The following HNRNPUL1 variants were observed in gnomAD, a reference collection of about 807,000 sequenced individuals.
The protein encoded by HNRNPUL1 is heterogeneous nuclear ribonucleoprotein U-like protein 1.
In HNRNPUL1, 14 loss-of-function variants were observed where a neutral mutation model predicts 108.5. The ratio of observed to expected loss-of-function variants is 0.13; its 90% CI spans 0.09 to 0.20. The LOEUF (loss-of-function observed/expected upper bound fraction) is 0.20, where lower values mean the gene tolerates loss of function less well. Among genes scored for constraint, HNRNPUL1 ranks in the 10% least tolerant of loss-of-function variants. The pLI is 1.00. For synonymous variants in HNRNPUL1, 422 were observed against 445.2 expected (o/e 0.95, Z 0.66); for missense variants, 804 against 1,168.3 (o/e 0.69, Z 4.55).
chr19:41,306,178 C>T (rs1402659360), intron 14 of HNRNPUL1, among the ~76,000 whole-genome samples: 3 of 152,176 alleles, frequency 2.0e-5, no homozygotes, highest in African/African-American at 7.2e-5. Context: ...GGTGCCCAGG[C>T]CCCCATACCT....
In HNRNPUL1 at chr19:41,294,294, C is replaced by T; in HGVS notation, c.1267-44C>T. 6.2e-7 allele frequency: 1 copy of T among 1,607,144 alleles called. No homozygotes were observed. The highest frequency in any genetic ancestry group is 8.5e-7 in the Non-Finnish European group (1 of 1,175,592). ...ACAGTCACCACCGAGCCAAGTGGTG[C>T]CATACCACCATGCCGCAACACCTTC... On this transcript the variant is annotated intron_variant, in intron 8 of 14. Coordinates refer to ENST00000392006, the MANE Select transcript of HNRNPUL1 (RefSeq NM_007040.6). This position sits in a 1 kb window ranked among gnomAD's most constrained non-coding sequence, Gnocchi z 4.3.
chr19:41,305,914 C>A, intron 14 of HNRNPUL1, 47 bp downstream of exon 14: 1 of 1,291,218 alleles, frequency 7.7e-7, no homozygotes, highest in South Asian at 1.3e-5. Flanking sequence ...CTTCCATGGG[C>A]CCCTCCTGGG....
chr19:41,268,651 G>C (rs547477560), intron 2 of HNRNPUL1, among the ~76,000 whole-genome samples: 1 of 152,180 alleles, frequency 6.6e-6, no homozygotes, highest in South Asian at 2.1e-4. Context: ...CTGAGGTCTG[G>C]AGTTCGAGAC....
intron 2 of HNRNPUL1, among the ~76,000 whole-genome samples, chr19:41,268,839 G>A (rs1409480703): frequency 6.6e-6 from 1 of 151,888 alleles, no homozygotes; most frequent in South Asian, 2.1e-4. Flanking sequence ...CTCAGTCTGG[G>A]CAACAAGAGT....
In HNRNPUL1 at chr19:41,307,354, G is replaced by C. The variant is rs932112435; in HGVS notation, c.*789G>C. On this transcript the variant is annotated 3_prime_UTR_variant, in exon 15 of 15. Transcript: ENST00000392006. ...ACTGCTTTTTGTATTTGGAGAGAGT[G>C]ACTATTGAACTTGAAACCTTTTATT... 6.6e-6 allele frequency: 1 copy of C among 152,566 alleles called. No homozygotes were observed. 9.5% of individuals were successfully genotyped at this position (152,566 alleles called of 1,614,324 possible). A position where few individuals can be genotyped will look rare whatever the true frequency, so the allele number is the denominator to read the frequency against.
upstream of HNRNPUL1, among the ~76,000 whole-genome samples, chr19:41,263,835 G>A (rs1007960735): frequency 6.6e-6 from 1 of 152,150 alleles, no homozygotes; most frequent in Non-Finnish European, 1.5e-5. Context: ...CCGCCCTAAC[G>A]GCAAGGGGCG....
At chr19:41,300,472 T>C (rs1032751438) in intron 10 of HNRNPUL1, among the ~76,000 whole-genome samples, 1 of 152,172 alleles carries the variant, frequency 6.6e-6, no homozygotes, top group African/African-American at 2.4e-5. Context: ...TTCCTGAGTT[T>C]CCATAGGGAG....
chr19:41,273,140 C>T (rs1446111386), intron 3 of HNRNPUL1, among the ~76,000 whole-genome samples: 2 of 152,214 alleles, frequency 1.3e-5, no homozygotes, highest in African/African-American at 2.4e-5. Context: ...TGATGGAGAG[C>T]AAAGGAAGAA....
intron 10 of HNRNPUL1, among the ~76,000 whole-genome samples, chr19:41,296,127 T>C (rs991462419): frequency 3.3e-5 from 5 of 152,226 alleles, no homozygotes; most frequent in African/African-American, 1.2e-4. Flanking sequence ...CCAGTATTCC[T>C]CCCTGTCTTT....
At chr19:41,266,152 G>A (rs1484816133) in intron 1 of HNRNPUL1, among the ~76,000 whole-genome samples, 2 of 151,988 alleles carry the variant, frequency 1.3e-5, no homozygotes, top group Admixed American at 1.3e-4. Flanking sequence ...AGCAGCTTTC[G>A]GGCCGAGTGC....
chr19:41,305,652 G>T, intron 13 of HNRNPUL1, 24 bp from the exon 14 acceptor site: 1 of 1,613,894 alleles, frequency 6.2e-7, no homozygotes. Context: ...ACAGAGCTTT[G>T]GCTTTTTTCC....
At chr19:41,263,295 C>CT (rs1397411034), upstream of HNRNPUL1, among the ~76,000 whole-genome samples, 1 of 152,072 alleles carries the variant, frequency 6.6e-6, no homozygotes, top group East Asian at 1.9e-4. Flanking sequence ...AGCTCTGTGG[C>CT]TTTTGTATTC....
chr19:41,270,540 T>G (rs1173322520), intron 2 of HNRNPUL1, among the ~76,000 whole-genome samples: 1 of 151,826 alleles, frequency 6.6e-6, no homozygotes, highest in African/African-American at 2.4e-5. Flanking sequence ...CCAATCATGT[T>G]AAGTATATGT....
chr19:41,306,664 G>A lies in HNRNPUL1; in HGVS notation c.*99G>A. The A allele has an allele frequency of 1.4e-6, 1 of 708,584 alleles. No homozygotes were observed. The allele number at this position is 708,584 out of a possible 1,614,324, so 43.9% of individuals were successfully genotyped here. A position where few individuals can be genotyped will look rare whatever the true frequency, so the allele number is the denominator to read the frequency against. ...CCCCCGCCAGATCCCGTGGTGCTGG[G>A]GATGGGGTCATCCCAGGGCTGCCTC... On this transcript the variant is annotated 3_prime_UTR_variant, in exon 15 of 15. Transcript: ENST00000392006.
At chr19:41,306,006 C>G (rs1402440935) in intron 14 of HNRNPUL1, 139 bp downstream of exon 14, 1 of 640,836 alleles carries the variant, frequency 1.6e-6, no homozygotes, top group Non-Finnish European at 2.7e-6. Flanking sequence ...CTGGTGCAGC[C>G]ATTCCATTTG....
At position 41,294,684 on chromosome 19, in the gene HNRNPUL1, C is replaced by A; in HGVS notation, c.1516C>A (p.Gln506Lys). ...ARKKRNYILD[Q>K]TNVYGSAQRR... is the part of the protein sequence containing the mutation. ...CAAGAAACGCAACTATATCCTAGAT[C>A]AGGTACTTAATGATGACCATTGTGT... Residue 506 changes from glutamine to lysine, a missense_variant and splice_region_variant, in exon 10 of 15, where the codon CAG becomes AAG. Gln to Lys is a moderately conservative substitution (Grantham distance 53). Coordinates refer to ENST00000392006, the MANE Select transcript of HNRNPUL1 (RefSeq NM_007040.6). The surrounding 1 kb of genome is among the most constrained non-coding windows in gnomAD (Gnocchi z 4.3). 6.2e-7 allele frequency: 1 copy of A among 1,614,124 alleles called. No individual in the cohort carries two copies. The highest frequency in any genetic ancestry group is 1.1e-5 in the South Asian group (1 of 91,018).
chr19:41,267,555 T>C (rs2034926741), intron 1 of HNRNPUL1, among the ~76,000 whole-genome samples: 1 of 152,214 alleles, frequency 6.6e-6, no homozygotes, highest in East Asian at 1.9e-4. Context: ...CCTGTGACTT[T>C]CCTCCCTTTG....
At chr19:41,270,127 C>T (rs1476797056) in intron 2 of HNRNPUL1, among the ~76,000 whole-genome samples, 3 of 152,146 alleles carry the variant, frequency 2.0e-5, no homozygotes, top group African/African-American at 7.2e-5. Flanking sequence ...AGATTTCAGG[C>T]GCCTGCCACC....
intron 6 of HNRNPUL1, 150 bp from the exon 7 acceptor site, chr19:41,281,013 C>T (rs968942653): frequency 8.5e-6 from 5 of 591,376 alleles, no homozygotes; most frequent in African/African-American, 3.7e-5. Context: ...TTCCTTTCAC[C>T]CTTCCCCACC....
Sources: gnomAD v4.1 joint callset for allele counts (sites outside exome capture counted in the v4.1 genomes callset) on GRCh38, gnomAD v4.1.1 for gene constraint, Gnocchi (gnomAD v3.1) non-coding constraint, MANE v1.5 for transcripts, NCBI Gene and HGNC (gene_info 2026-07-23, HGNC 2026-07-21) for gene names.